The following SLCO1A2 variants were observed in gnomAD, a reference collection of about 807,000 sequenced individuals.
The protein encoded by SLCO1A2 is solute carrier organic anion transporter family member 1A2.
A neutral mutation model predicts 69.0 loss-of-function variants in SLCO1A2; 67 were observed. The observed-to-expected ratio is 0.97, with a 90% CI of 0.80 to 1.19. SLCO1A2 has a LOEUF of 1.19. SLCO1A2 is among the 50% of genes most tolerant of loss of function. The probability of loss-of-function intolerance (pLI) is 0.00; values close to 1 mark genes in which losing one functional copy is unlikely to be tolerated. For missense variants in SLCO1A2, 787 were observed against 793.7 expected, an observed-to-expected ratio of 0.99 and a Z score of 0.10; for synonymous variants, 260 against 265.9, an observed-to-expected ratio of 0.98 and a Z score of 0.22.
At position 21,328,111 on chromosome 12, in the gene SLCO1A2, G is replaced by T. The variant is rs138514988; in HGVS notation, c.60+6477C>A. Among the ~76,000 whole-genome samples, 1,060 of 152,242 alleles carry T rather than the reference G, an allele frequency of 7.0e-3. 14 individuals carry two copies. Among genetic ancestry groups the T allele is most frequent in the African/African-American group, 0.025 (1,018 of 41,530 alleles). On this transcript the variant is annotated intron_variant, in intron 2 of 14. Coordinates refer to ENST00000683939, the MANE Select transcript of SLCO1A2 (RefSeq NM_001386879.1). ...TGCACATGCTCTCTTGCCTGCCACC[G>T]TGTAAGATATGCCTTTGCTCCTCCT...
At chr12:21,375,906 G>A (rs575021652) in intron 1 of SLCO1A2, among the ~76,000 whole-genome samples, 5 of 105,034 alleles carry the variant, frequency 4.8e-5, no homozygotes, top group African/African-American at 1.8e-4. Flanking sequence ...TAGTCAATGA[G>A]AAAAAAATGC....
chr12:21,282,957 T>C (rs1945079759), intron 12 of SLCO1A2, among the ~76,000 whole-genome samples: 1 of 152,066 alleles, frequency 6.6e-6, no homozygotes, highest in Non-Finnish European at 1.5e-5. Context: ...TATTATATGC[T>C]CATAAATTGA....
chr12:21,323,741 G>A (rs1355198593), intron 2 of SLCO1A2, among the ~76,000 whole-genome samples: 3 of 151,962 alleles, frequency 2.0e-5, no homozygotes, highest in Non-Finnish European at 4.4e-5. Context: ...TTCATGGTTG[G>A]GCTGGATGAA....
At chr12:21,405,286 A>G (rs2192174) in intron 1 of SLCO1A2, among the ~76,000 whole-genome samples, 5,037 of 152,256 alleles carry the variant, frequency 0.033, 131 homozygotes, top group Non-Finnish European at 0.049. Context: ...CATTTTAATC[A>G]TGAAATCTTT....
intron 1 of SLCO1A2, among the ~76,000 whole-genome samples, chr12:21,415,051 C>T (rs899060737): frequency 7.2e-5 from 11 of 151,954 alleles, no homozygotes; most frequent in African/African-American, 2.2e-4. Flanking sequence ...CTTTTTGGTA[C>T]ACATTTGGAT....
At chr12:21,275,189 C>T (rs1471895672) in intron 13 of SLCO1A2, 171 bp downstream of exon 13, 5 of 769,050 alleles carry the variant, frequency 6.5e-6, no homozygotes, top group African/African-American at 1.8e-5. Context: ...TTAGGAGATT[C>T]ACCTAATGTT....
chr12:21,291,962 G>C (rs1272610228), intron 12 of SLCO1A2, among the ~76,000 whole-genome samples: 1 of 152,108 alleles, frequency 6.6e-6, no homozygotes, highest in Non-Finnish European at 1.5e-5. Flanking sequence ...GCGAGGAATA[G>C]GAGTGAAATG....
At chr12:21,319,746 C>T (rs2136793473) in intron 2 of SLCO1A2, among the ~76,000 whole-genome samples, 1 of 152,118 alleles carries the variant, frequency 6.6e-6, no homozygotes, top group South Asian at 2.1e-4. Flanking sequence ...ATCATACTTC[C>T]TATTATTGGT....
chr12:21,413,242 T>TTC (rs57653581), intron 1 of SLCO1A2, among the ~76,000 whole-genome samples: 14,663 of 127,210 alleles, frequency 0.12, 1,087 homozygotes, highest in East Asian at 0.38. Flanking sequence ...TTTTTCTTTT[T>TTC]TTTTTTTTTT....
chr12:21,276,900 T>G (rs564589366), intron 12 of SLCO1A2, among the ~76,000 whole-genome samples: 1 of 152,264 alleles, frequency 6.6e-6, no homozygotes, highest in African/African-American at 2.4e-5. Flanking sequence ...AGAACTTGAG[T>G]TCCAGCAAGC....
intron 12 of SLCO1A2, 48 bp from the exon 13 acceptor site, chr12:21,275,472 A>G (rs1943652980): frequency 2.2e-6 from 3 of 1,370,856 alleles, no homozygotes; most frequent in Non-Finnish European, 2.9e-6. Flanking sequence ...AAGATTTAAA[A>G]CTATCATATT....
chr12:21,331,651 T>C (rs1201879467), intron 2 of SLCO1A2, among the ~76,000 whole-genome samples: 2 of 151,668 alleles, frequency 1.3e-5, no homozygotes, highest in Non-Finnish European at 2.9e-5. Context: ...CAGCTACTTA[T>C]CTAGGAATGA....
intron 12 of SLCO1A2, among the ~76,000 whole-genome samples, chr12:21,276,562 A>C (rs933220670): frequency 6.6e-6 from 1 of 151,584 alleles, no homozygotes. Context: ...AAACCAAAAA[A>C]AACCTTTGTA....
intron 1 of SLCO1A2, among the ~76,000 whole-genome samples, chr12:21,380,408 ATAGT>A (rs1940512705): frequency 6.6e-6 from 1 of 152,234 alleles, no homozygotes; most frequent in African/African-American, 2.4e-5. Flanking sequence ...AGATTAAAAC[ATAGT>A]TAGAGTGACT....
chr12:21,373,136 G>A, intron 2 of SLCO1A2: 1 of 585,970 alleles, frequency 1.7e-6, no homozygotes, highest in Admixed American at 3.0e-5. Flanking sequence ...AGATTGCTTA[G>A]AGAAGGAAAT....
chr12:21,297,878 G>A (rs150539532), intron 8 of SLCO1A2, among the ~76,000 whole-genome samples: 2 of 152,082 alleles, frequency 1.3e-5, no homozygotes, highest in Non-Finnish European at 2.9e-5. Context: ...TACGTCCACA[G>A]CATTTTATTA....
intron 4 of SLCO1A2, among the ~76,000 whole-genome samples, chr12:21,312,022 G>T (rs1950254716): frequency 6.7e-6 from 1 of 149,388 alleles, no homozygotes; most frequent in South Asian, 2.1e-4. Context: ...GGAGGAGGGA[G>T]GAGGAGAAGA....
At chr12:21,410,796 C>T (rs908782535) in intron 1 of SLCO1A2, among the ~76,000 whole-genome samples, 2 of 152,136 alleles carry the variant, frequency 1.3e-5, no homozygotes, top group Non-Finnish European at 2.9e-5. Context: ...TATAAAATTA[C>T]ATCTCATTAT....
chr12:21,387,094 T>C (rs377712022), intron 1 of SLCO1A2, among the ~76,000 whole-genome samples: 275 of 152,208 alleles, frequency 1.8e-3, no homozygotes, highest in African/African-American at 6.3e-3. Context: ...CTAGAGAATT[T>C]TGAACTTGAG....
Sources: allele counts gnomAD v4.1 joint callset (sites outside exome capture counted in the v4.1 genomes callset), GRCh38; gene constraint gnomAD v4.1.1; transcripts MANE v1.5; gene names NCBI Gene and HGNC (gene_info 2026-07-23, HGNC 2026-07-21).